The following DCDC1 variants were observed in gnomAD, a reference collection of about 807,000 sequenced individuals.
DCDC1 encodes the protein doublecortin domain containing 1.
DCDC1 carries 200 observed loss-of-function variants against 178.3 expected under a neutral mutation model. The observed-to-expected ratio is 1.12, with a 90% CI of 1.00 to 1.26. The LOEUF (loss-of-function observed/expected upper bound fraction) is 1.26. DCDC1 is among the 50% of genes most tolerant of loss of function. DCDC1 has a pLI of 0.00. For missense variants in DCDC1, 1,983 were observed against 1,749.2 expected (o/e 1.13, Z -2.38); for synonymous variants, 690 against 604.8 (o/e 1.14, Z -2.07).
chr11:31,111,310 CT>C (rs1565298267), intron 11 of DCDC1, among the ~76,000 whole-genome samples: 1 of 151,632 alleles, frequency 6.6e-6, no homozygotes, highest in African/African-American at 2.4e-5. Context: ...AAAAAACTAC[CT>C]TTTTTATATT....
At chr11:31,110,909 C>T (rs541547488) in intron 11 of DCDC1, among the ~76,000 whole-genome samples, 11 of 152,086 alleles carry the variant, frequency 7.2e-5, no homozygotes, top group Admixed American at 2.0e-4. Context: ...ATTTTAAGTG[C>T]ACATATCCAA....
intron 7 of DCDC1, among the ~76,000 whole-genome samples, chr11:31,271,774 A>G (rs901032619): frequency 6.6e-6 from 1 of 152,174 alleles, no homozygotes; most frequent in African/African-American, 2.4e-5. Flanking sequence ...AGGCCTCACA[A>G]TAATGGTGGA....
intron 31 of DCDC1, chr11:30,903,890 C>G (rs1944884248): frequency 5.3e-6 from 2 of 377,862 alleles, no homozygotes; most frequent in Non-Finnish European, 9.2e-6. Flanking sequence ...GTAGTCCAAT[C>G]CAGCTGTAAA....
At chr11:31,058,393 T>C (rs908312220) in intron 20 of DCDC1, among the ~76,000 whole-genome samples, 1 of 152,150 alleles carries the variant, frequency 6.6e-6, no homozygotes, top group Non-Finnish European at 1.5e-5. Flanking sequence ...AGAAAACACT[T>C]CCTGCTGAAG....
At chr11:31,355,140 T>C (rs941530240) in intron 1 of DCDC1, among the ~76,000 whole-genome samples, 2 of 152,158 alleles carry the variant, frequency 1.3e-5, no homozygotes, top group African/African-American at 2.4e-5. Context: ...GCTTAAAATA[T>C]AAGTGCTGGA....
chr11:31,201,751 C>G (rs1211063035), intron 9 of DCDC1, among the ~76,000 whole-genome samples: 1 of 150,812 alleles, frequency 6.6e-6, no homozygotes, highest in African/African-American at 2.4e-5. Flanking sequence ...GTGAAATTTG[C>G]AAGAGTTGGA....
At chr11:30,962,829 A>G (rs1409152201) in intron 20 of DCDC1, among the ~76,000 whole-genome samples, 1 of 152,078 alleles carries the variant, frequency 6.6e-6, no homozygotes, top group Non-Finnish European at 1.5e-5. Context: ...TATATTCAGC[A>G]CTAAAAACCT....
At chr11:31,214,274 T>A (rs928069297) in intron 9 of DCDC1, among the ~76,000 whole-genome samples, 2 of 152,118 alleles carry the variant, frequency 1.3e-5, no homozygotes, top group Admixed American at 1.3e-4. Context: ...GAGATGAAAA[T>A]CTTGGAACAA....
intron 7 of DCDC1, chr11:31,280,833 C>A: frequency 1.6e-6 from 1 of 620,100 alleles, no homozygotes; most frequent in Non-Finnish European, 3.1e-6. Context: ...TTCTTATTGG[C>A]ATCTGTGTAA....
chr11:31,257,177 T>C (rs1944463988), intron 8 of DCDC1, among the ~76,000 whole-genome samples: 1 of 152,186 alleles, frequency 6.6e-6, no homozygotes, highest in African/African-American at 2.4e-5. Context: ...ATACTGGGCC[T>C]AGATAGGAAG....
chr11:30,876,563 A>G (rs1565012269), intron 38 of DCDC1, among the ~76,000 whole-genome samples: 1 of 152,210 alleles, frequency 6.6e-6, no homozygotes, highest in Non-Finnish European at 1.5e-5. Context: ...TACTAGTAAT[A>G]GAAAAGTTCA....
chr11:31,261,936 A>C (rs1944814532), intron 8 of DCDC1, among the ~76,000 whole-genome samples: 1 of 152,004 alleles, frequency 6.6e-6, no homozygotes, highest in African/African-American at 2.4e-5. Context: ...GACTTCTTCC[A>C]TGTGGCCTCA....
chr11:31,173,830 G>C (rs973888851), intron 9 of DCDC1, among the ~76,000 whole-genome samples: 8 of 151,930 alleles, frequency 5.3e-5, no homozygotes, highest in Middle Eastern at 3.2e-3. Context: ...AATTTGGCCA[G>C]GTTTTCATCA....
At chr11:31,179,290 T>C (rs1344727539) in intron 9 of DCDC1, among the ~76,000 whole-genome samples, 1 of 152,092 alleles carries the variant, frequency 6.6e-6, no homozygotes, top group Non-Finnish European at 1.5e-5. Context: ...ATATTAAACA[T>C]AGAACTACCA....
chr11:31,075,946 G>A (rs1455572641), intron 18 of DCDC1, among the ~76,000 whole-genome samples: 4 of 152,100 alleles, frequency 2.6e-5, no homozygotes, highest in African/African-American at 4.8e-5. Context: ...CACAACCTCC[G>A]CCTCCCGGGT....
At chr11:31,137,842 A>G (rs1963347770) in intron 9 of DCDC1, 58 bp from the exon 10 acceptor site, 1 of 668,832 alleles carries the variant, frequency 1.5e-6, no homozygotes, top group South Asian at 1.6e-5. Context: ...TAATAGCAAC[A>G]TTTATTCAAA....
chr11:30,944,735 A>G (rs970138523), intron 21 of DCDC1, among the ~76,000 whole-genome samples: 1 of 152,130 alleles, frequency 6.6e-6, no homozygotes, highest in East Asian at 1.9e-4. Context: ...AGACTGAGTC[A>G]TTTTGAAATA....
intron 20 of DCDC1, among the ~76,000 whole-genome samples, chr11:31,028,455 T>C (rs926268589): frequency 2.6e-5 from 4 of 151,996 alleles, no homozygotes; most frequent in African/African-American, 9.7e-5. Flanking sequence ...GAGTTACTGA[T>C]GCCCTGTCCA....
chr11:31,064,766 CAAAAGA>C (rs1956154723), intron 19 of DCDC1, 140 bp from the exon 20 acceptor site: 1 of 578,544 alleles, frequency 1.7e-6, no homozygotes, highest in East Asian at 2.8e-5. Flanking sequence ...TGTACGTGGC[CAAAAGA>C]AAAGAAGGCA....
Sources: allele counts gnomAD v4.1 joint callset (sites outside exome capture counted in the v4.1 genomes callset), GRCh38; gene constraint gnomAD v4.1.1; transcripts MANE v1.5; gene names NCBI Gene and HGNC (gene_info 2026-07-23, HGNC 2026-07-21).